GALNT13: variants seen among roughly 807,000 people sequenced by gnomAD.
The protein encoded by GALNT13 is UDP-GalNAc:polypeptide N-acetylgalactosaminyltransferase 13.
A neutral mutation model predicts 64.2 loss-of-function variants in GALNT13; 28 were observed. That is an observed-to-expected ratio of 0.44 (90% CI 0.32 to 0.60). The LOEUF (loss-of-function observed/expected upper bound fraction) is 0.60. Among genes scored for constraint, GALNT13 ranks in the 20% least tolerant of loss-of-function variants. The pLI is 0.05. For missense variants in GALNT13, 577 were observed against 669.8 expected (o/e 0.86, Z 1.53); for synonymous variants, 214 against 224.6 (o/e 0.95, Z 0.42).
At chr2:153,854,837 G>A in the GALNT13 span, among the ~76,000 whole-genome samples, 2 of 152,004 alleles carry the variant, frequency 1.3e-5, no homozygotes, top group African/African-American at 4.8e-5. Context: ...AAATGCAAAG[G>A]GCCAAAATAA....
the GALNT13 span, among the ~76,000 whole-genome samples, chr2:153,289,029 C>A: frequency 6.6e-6 from 1 of 152,158 alleles, no homozygotes; most frequent in Non-Finnish European, 1.5e-5. Flanking sequence ...ATTGCTGAAG[C>A]TTTGCGTCCC....
At chr2:153,409,334 ATATGTATATATTCATATGT>A in the GALNT13 span, among the ~76,000 whole-genome samples, 1 of 139,282 alleles carries the variant, frequency 7.2e-6, no homozygotes, top group South Asian at 2.2e-4. Flanking sequence ...ATTCATATGT[ATATGTATATATTCATATGT>A]ATATGTATAT....
the GALNT13 span, among the ~76,000 whole-genome samples, chr2:153,524,289 T>C: frequency 0.013 from 1,908 of 152,102 alleles, 39 homozygotes; most frequent in African/African-American, 0.043. Flanking sequence ...TTTTCTATGC[T>C]GGCTTCATAG....
chr2:153,194,658 T>A, the GALNT13 span, among the ~76,000 whole-genome samples: 1 of 152,250 alleles, frequency 6.6e-6, no homozygotes, highest in Non-Finnish European at 1.5e-5. Context: ...TTTTTCCTGT[T>A]TCTTGTGTCT....
chr2:153,493,967 G>A, the GALNT13 span, among the ~76,000 whole-genome samples: 2 of 151,728 alleles, frequency 1.3e-5, no homozygotes, highest in East Asian at 1.9e-4. Context: ...ATACAAGCAC[G>A]GCTCCACCAT....
chr2:153,635,441 C>CATATATATGTATATATATATAT, the GALNT13 span, among the ~76,000 whole-genome samples: 2,907 of 127,624 alleles, frequency 0.023, 104 homozygotes, highest in East Asian at 0.057. Context: ...TATATATATA[C>CATATATATGTATATATATATAT]ACACATATAT....
At chr2:153,694,507 A>T in the GALNT13 span, among the ~76,000 whole-genome samples, 17 of 152,370 alleles carry the variant, frequency 1.1e-4, no homozygotes, top group Non-Finnish European at 2.2e-4. Context: ...AGCCAGGCAC[A>T]AAACAGGACA....
At chr2:153,312,416 T>G in the GALNT13 span, among the ~76,000 whole-genome samples, 1 of 152,164 alleles carries the variant, frequency 6.6e-6, no homozygotes, top group Admixed American at 6.5e-5. Flanking sequence ...GTTTTTTGGC[T>G]GAAAGTGAAA....
the GALNT13 span, among the ~76,000 whole-genome samples, chr2:153,369,785 T>C: frequency 1.3e-5 from 2 of 152,154 alleles, no homozygotes; most frequent in Non-Finnish European, 2.9e-5. Flanking sequence ...AAAGCCCACA[T>C]GGTAAGGGAC....
At chr2:153,234,863 A>G in the GALNT13 span, among the ~76,000 whole-genome samples, 1 of 152,210 alleles carries the variant, frequency 6.6e-6, no homozygotes, top group Non-Finnish European at 1.5e-5. Context: ...CAGGCATATA[A>G]GGCTAAATTT....
the GALNT13 span, chr2:153,208,246 C>G: frequency 3.3e-5 from 5 of 152,070 alleles, no homozygotes; most frequent in African/African-American, 1.2e-4. Context: ...ATAATCACCA[C>G]CAAAATAAAA....
chr2:153,118,349 C>T, the GALNT13 span, among the ~76,000 whole-genome samples: 2 of 152,190 alleles, frequency 1.3e-5, no homozygotes, highest in African/African-American at 2.4e-5. Flanking sequence ...CCTTCCTTCC[C>T]AGGGCAACCA....
chr2:153,394,788 C>G, the GALNT13 span, among the ~76,000 whole-genome samples: 3 of 152,054 alleles, frequency 2.0e-5, no homozygotes, highest in Non-Finnish European at 2.9e-5. Flanking sequence ...TAAATACTAC[C>G]ATACATTTGG....
chr2:154,073,136 A>G (rs1700819670), intron 3 of GALNT13, among the ~76,000 whole-genome samples: 1 of 152,076 alleles, frequency 6.6e-6, no homozygotes, highest in Non-Finnish European at 1.5e-5. Flanking sequence ...CAGTGACTAC[A>G]CATCATTTAT....
chr2:154,081,923 A>G (rs1460572715), intron 3 of GALNT13, among the ~76,000 whole-genome samples: 4 of 151,744 alleles, frequency 2.6e-5, no homozygotes, highest in Non-Finnish European at 5.9e-5. Flanking sequence ...TATCCATACA[A>G]CCAATAGATT....
the GALNT13 span, among the ~76,000 whole-genome samples, chr2:153,496,993 C>CA: frequency 8.6e-3 from 780 of 90,536 alleles, 7 homozygotes; most frequent in African/African-American, 0.012. Flanking sequence ...GATTTTGTCT[C>CA]AAAAAAAAAA....
intron 1 of GALNT13, among the ~76,000 whole-genome samples, chr2:153,884,047 G>A (rs868103056): frequency 2.0e-5 from 3 of 151,868 alleles, no homozygotes; most frequent in African/African-American, 7.3e-5. Flanking sequence ...GGAAAGGTTA[G>A]GGATTGGAAT....
chr2:153,646,011 G>C, the GALNT13 span, among the ~76,000 whole-genome samples: 633 of 152,136 alleles, frequency 4.2e-3, 5 homozygotes, highest in Non-Finnish European at 6.5e-3. Flanking sequence ...CCCCTGTTTT[G>C]TGAGGTATGC....
At chr2:153,826,816 C>T in the GALNT13 span, among the ~76,000 whole-genome samples, 1 of 152,020 alleles carries the variant, frequency 6.6e-6, no homozygotes, top group Non-Finnish European at 1.5e-5. Context: ...ACTAGATACA[C>T]TAATGCAAAA....
Sources: gnomAD v4.1 joint callset for allele counts (sites outside exome capture counted in the v4.1 genomes callset) on GRCh38, gnomAD v4.1.1 for gene constraint, MANE v1.5 for transcripts, NCBI Gene and HGNC (gene_info 2026-07-23, HGNC 2026-07-21) for gene names.